The following LIMA1 variants were observed in gnomAD, a reference collection of about 807,000 sequenced individuals.
The protein encoded by LIMA1 is LIM domain and actin-binding protein 1.
LIMA1 carries 52 observed loss-of-function variants against 62.6 expected under a neutral mutation model. The ratio of observed to expected loss-of-function variants is 0.83; its 90% CI spans 0.67 to 1.05. The LOEUF is 1.05. LIMA1 is among the 50% of genes least tolerant of loss of function. The probability of loss-of-function intolerance (pLI) is 0.00; values close to 1 mark genes in which losing one functional copy is unlikely to be tolerated. For missense variants in LIMA1, 780 were observed against 902.2 expected (o/e 0.86, Z 1.74); for synonymous variants, 302 against 317.8 (o/e 0.95, Z 0.53).
intron 4 of LIMA1, among the ~76,000 whole-genome samples, chr12:50,218,715 G>C (rs1330212849): frequency 2.6e-5 from 4 of 151,960 alleles, no homozygotes; most frequent in Non-Finnish European, 5.9e-5. Context: ...AGAACAGTCT[G>C]GGCAACATAG....
chr12:50,194,740 A>C (rs1266993542), intron 8 of LIMA1, among the ~76,000 whole-genome samples: 1 of 151,954 alleles, frequency 6.6e-6, no homozygotes, highest in Non-Finnish European at 1.5e-5. Context: ...TTTCTCTACA[A>C]AAATATTAAA....
chr12:50,244,607 A>G (rs937764628), intron 2 of LIMA1, among the ~76,000 whole-genome samples: 7 of 152,194 alleles, frequency 4.6e-5, no homozygotes, highest in Non-Finnish European at 1.0e-4. Context: ...TAATGGGTTC[A>G]GGATTGACAG....
intron 10 of LIMA1, among the ~76,000 whole-genome samples, chr12:50,179,331 G>A (rs1940435342): frequency 1.3e-5 from 2 of 151,980 alleles, no homozygotes; most frequent in South Asian, 2.1e-4. Flanking sequence ...TAGTAGAGAC[G>A]GGGTTTCACC....
intron 9 of LIMA1, among the ~76,000 whole-genome samples, chr12:50,182,873 G>A (rs1476971536): frequency 6.6e-6 from 1 of 152,110 alleles, no homozygotes; most frequent in Non-Finnish European, 1.5e-5. Context: ...ATAAAAGCCA[G>A]AACTCCAAAA....
intron 7 of LIMA1, among the ~76,000 whole-genome samples, chr12:50,196,357 G>A (rs962031022): frequency 6.6e-6 from 1 of 152,076 alleles, no homozygotes; most frequent in Non-Finnish European, 1.5e-5. Context: ...GCTGAAACGA[G>A]CTTGCCTATA....
chr12:50,252,500 G>A (rs1334416117), intron 1 of LIMA1, among the ~76,000 whole-genome samples: 2 of 145,438 alleles, frequency 1.4e-5, no homozygotes, highest in East Asian at 4.1e-4. Context: ...AGACTCTCTC[G>A]AACCTGGGAG....
chr12:50,195,176 C>G (rs937267684), intron 8 of LIMA1, among the ~76,000 whole-genome samples: 1 of 151,900 alleles, frequency 6.6e-6, no homozygotes, highest in Non-Finnish European at 1.5e-5. Context: ...GCACTCCAGC[C>G]TAGGCAACAG....
intron 9 of LIMA1, chr12:50,188,181 AACAG>A (rs1371325913): frequency 1.3e-5 from 2 of 152,224 alleles, no homozygotes; most frequent in African/African-American, 2.4e-5. Context: ...TCTTTTCAAT[AACAG>A]ACAGGCACTA....
intron 2 of LIMA1, among the ~76,000 whole-genome samples, chr12:50,235,803 C>T (rs1351535000): frequency 6.6e-6 from 1 of 151,974 alleles, no homozygotes; most frequent in Non-Finnish European, 1.5e-5. Context: ...AATTAATTTC[C>T]CTAGAATATA....
Position 50,216,190 on chromosome 12 carries a change from C to T in LIMA1, c.630+5831G>A, listed in dbSNP as rs142019580. 4.0e-3 allele frequency among the ~76,000 whole-genome samples: 606 copies of T among 152,294 alleles called. 5 individuals are homozygous for T. Among genetic ancestry groups the T allele is most frequent in the African/African-American group, 0.014 (569 of 41,564 alleles). Reference sequence around the variant, plus strand: ...ATAAGGAATTAGGAATGCTAAACCACACTCACTAAGTGTCACCGTGGCATT... The same window carrying T: ...ATAAGGAATTAGGAATGCTAAACCATACTCACTAAGTGTCACCGTGGCATT... On this transcript the variant is annotated intron_variant, in intron 4 of 10. Coordinates refer to ENST00000341247, the MANE Select transcript of LIMA1 (RefSeq NM_016357.5).
chr12:50,280,198 A>G (rs1942323714), intron 1 of LIMA1, among the ~76,000 whole-genome samples: 1 of 117,744 alleles, frequency 8.5e-6, no homozygotes, highest in Admixed American at 1.2e-4. Flanking sequence ...TCTGTCACGC[A>G]GGCTGGAGTG....
intron 1 of LIMA1, among the ~76,000 whole-genome samples, chr12:50,259,584 C>T (rs1399377962): frequency 6.6e-6 from 1 of 152,118 alleles, no homozygotes; most frequent in Non-Finnish European, 1.5e-5. Context: ...TTCAAACTCT[C>T]ATATAAACTC....
chr12:50,270,784 T>TA (rs1419892243), intron 1 of LIMA1, among the ~76,000 whole-genome samples: 1 of 151,944 alleles, frequency 6.6e-6, no homozygotes, highest in African/African-American at 2.4e-5. Flanking sequence ...TTTAGACAGG[T>TA]AAAAAAGAGT....
chr12:50,229,164 C>T (rs920839060), intron 3 of LIMA1, among the ~76,000 whole-genome samples: 5 of 152,176 alleles, frequency 3.3e-5, no homozygotes, highest in African/African-American at 1.2e-4. Flanking sequence ...AATTGGTCTC[C>T]ATGCTCCTGC....
At chr12:50,246,764 G>A (rs1052147815) in intron 2 of LIMA1, among the ~76,000 whole-genome samples, 3 of 151,716 alleles carry the variant, frequency 2.0e-5, no homozygotes, top group African/African-American at 4.8e-5. Flanking sequence ...CCCTTTATTC[G>A]TGTTCAGCTT....
intron 7 of LIMA1, among the ~76,000 whole-genome samples, chr12:50,197,224 T>C (rs749334080): frequency 6.6e-6 from 1 of 151,880 alleles, no homozygotes; most frequent in Non-Finnish European, 1.5e-5. Flanking sequence ...GTGCCCATTA[T>C]CACACCCGGC....
At chr12:50,221,529 T>C (rs1254615254) in intron 4 of LIMA1, among the ~76,000 whole-genome samples, 1 of 152,164 alleles carries the variant, frequency 6.6e-6, no homozygotes, top group Non-Finnish European at 1.5e-5. Context: ...TTTTAGCTGA[T>C]AGAAAACATT....
At chr12:50,178,964 A>ATTTT (rs555323460) in intron 10 of LIMA1, among the ~76,000 whole-genome samples, 184 of 92,236 alleles carry the variant, frequency 2.0e-3, no homozygotes, top group East Asian at 8.9e-3. Flanking sequence ...ATATATATAT[A>ATTTT]TATTTTTTTT....
rs1420112519 is a variant in LIMA1 at position 50,261,042 on chromosome 12, A to T, written c.-23-12268T>A. Reference sequence around the variant, plus strand: ...CTTTTGCTTTTCTGCCATCTAGTATATTTTTTTTTTTTTTTTTTTTTTTTT... The same window carrying T: ...CTTTTGCTTTTCTGCCATCTAGTATTTTTTTTTTTTTTTTTTTTTTTTTTT... On this transcript the variant is annotated intron_variant, in intron 1 of 10. Coordinates refer to ENST00000341247, the MANE Select transcript of LIMA1 (RefSeq NM_016357.5). 4.1e-3 allele frequency among the ~76,000 whole-genome samples: 220 copies of T among 54,204 alleles called. 1 individual carries two copies. The highest frequency in any genetic ancestry group is 5.7e-3 in the East Asian group (5 of 878). 35.6% of individuals were successfully genotyped at this position (54,204 alleles called of 152,430 possible).
Sources: allele counts gnomAD v4.1 joint callset (sites outside exome capture counted in the v4.1 genomes callset), GRCh38; gene constraint gnomAD v4.1.1; transcripts MANE v1.5; gene names NCBI Gene and HGNC (gene_info 2026-07-23, HGNC 2026-07-21).